Variants in SORT1 observed in about 807,000 individuals in gnomAD.
The protein encoded by SORT1 is sortilin 1.
SORT1 carries 39 observed loss-of-function variants against 101.7 expected under a neutral mutation model. That is an observed-to-expected ratio of 0.38 (90% CI 0.30 to 0.50). The LOEUF (loss-of-function observed/expected upper bound fraction) is 0.50. SORT1 is among the 20% of genes least tolerant of loss of function. The pLI is 0.90. For missense variants in SORT1, 878 were observed against 1,040.4 expected (o/e 0.84, Z 2.15); for synonymous variants, 396 against 393.7 (o/e 1.01, Z -0.07).
chr1:109,366,107 C>G (rs1252412017), intron 3 of SORT1, among the ~76,000 whole-genome samples: 1 of 152,204 alleles, frequency 6.6e-6, no homozygotes, highest in East Asian at 1.9e-4. Context: ...TGAGAAGACA[C>G]AATCATTCAG....
At chr1:109,340,106 G>A (rs539466172) in intron 10 of SORT1, among the ~76,000 whole-genome samples, 14 of 135,872 alleles carry the variant, frequency 1.0e-4, no homozygotes, top group East Asian at 2.1e-4. Flanking sequence ...CTGAGATCAC[G>A]CCACCGCACT....
chr1:109,394,659 T>G (rs367791042), intron 1 of SORT1, among the ~76,000 whole-genome samples: 12 of 152,350 alleles, frequency 7.9e-5, no homozygotes, highest in African/African-American at 2.4e-4. Flanking sequence ...TTCTGAGGCT[T>G]TTCATTCTCC....
chr1:109,341,751 CT>C (rs1452742632), intron 9 of SORT1, among the ~76,000 whole-genome samples: 2 of 152,180 alleles, frequency 1.3e-5, no homozygotes, highest in Admixed American at 6.5e-5. Context: ...CTGTACTTAT[CT>C]GGTAACAGAT....
chr1:109,397,471 G>C (rs563741687), intron 1 of SORT1, 116 bp downstream of exon 1: 1 of 699,910 alleles, frequency 1.4e-6, no homozygotes, highest in African/African-American at 1.9e-5. Flanking sequence ...CGGCCCGGGG[G>C]ACGCGGGCGC....
At chr1:109,323,299 G>A (rs1461011748) in intron 14 of SORT1, among the ~76,000 whole-genome samples, 178 bp from the exon 15 acceptor site, 2 of 152,188 alleles carry the variant, frequency 1.3e-5, no homozygotes, top group Non-Finnish European at 2.9e-5. Context: ...ACTAGCAATC[G>A]CATTTCCTCA....
At chr1:109,332,632 C>T (rs945641508) in intron 11 of SORT1, among the ~76,000 whole-genome samples, 1 of 152,062 alleles carries the variant, frequency 6.6e-6, no homozygotes, top group Non-Finnish European at 1.5e-5. Flanking sequence ...TTATATGGAA[C>T]CACAAAAGAC....
At position 109,353,845 on chromosome 1, in the gene SORT1, G is replaced by A. The variant is rs187444987; in HGVS notation, c.708+522C>T. On this transcript the variant is annotated intron_variant, in intron 5 of 19. Coordinates refer to ENST00000256637, the MANE Select transcript of SORT1 (RefSeq NM_002959.7). Reference sequence around the variant, plus strand: ...CCTCAGAGAACTTTGAGAAGTGGGAGGGTTAGGGAAACACACTGGTCTCTG... The same window carrying A: ...CCTCAGAGAACTTTGAGAAGTGGGAAGGTTAGGGAAACACACTGGTCTCTG... Among the ~76,000 whole-genome samples the A allele has an allele frequency of 9.9e-4, 151 of 152,314 alleles. 1 individual carries two copies. Among genetic ancestry groups the A allele is most frequent in the Middle Eastern group, 3.4e-3 (1 of 294 alleles).
Position 109,311,148 on chromosome 1 carries a change from G to A in SORT1, c.*2895C>T, listed in dbSNP as rs1658707495. The A allele has an allele frequency of 6.6e-6, 1 of 152,240 alleles. No individual in the cohort carries two copies. The highest frequency in any genetic ancestry group is 2.4e-5 in the African/African-American group (1 of 41,464). The allele number at this position is 152,240 out of a possible 1,614,324, so 9.4% of individuals were successfully genotyped here. ...CCTACAGGAGAGACGGGCCTGGTCTGTGGTCTCACTAAAGCCCAATGCCCA... is the reference window on the plus strand; with the variant it reads ...CCTACAGGAGAGACGGGCCTGGTCTATGGTCTCACTAAAGCCCAATGCCCA... On this transcript the variant is annotated 3_prime_UTR_variant, in exon 20 of 20. Transcript: ENST00000256637.
chr1:109,358,488 A>G (rs1466773257), intron 3 of SORT1, among the ~76,000 whole-genome samples: 1 of 152,182 alleles, frequency 6.6e-6, no homozygotes, highest in East Asian at 1.9e-4. Context: ...TCCATATGAT[A>G]ATTAATAGCG....
intron 1 of SORT1, chr1:109,392,949 G>A (rs933958996): frequency 1.0e-6 from 1 of 985,416 alleles, no homozygotes; most frequent in Non-Finnish European, 1.2e-6. Flanking sequence ...GGGGGTGCTA[G>A]GGAAGGTAGG....
chr1:109,316,480 C>G (rs1647228403), intron 17 of SORT1, among the ~76,000 whole-genome samples: 1 of 152,198 alleles, frequency 6.6e-6, no homozygotes, highest in Admixed American at 6.5e-5. Context: ...GATCTGCCTG[C>G]CTTGGACTTC....
Position 109,397,904 on chromosome 1 carries a change from G to A in SORT1, c.-12C>T. On this transcript the variant is annotated 5_prime_UTR_variant, in exon 1 of 20. Coordinates refer to ENST00000256637, the MANE Select transcript of SORT1 (RefSeq NM_002959.7). The stretch of plus-strand genomic sequence containing the variant: ...CAGGGCCGCTCCATCGCCGCCGAAT[G>A]CCGCCGACGCCGACACCTGCCGCCC... 1.7e-6 allele frequency: 2 copies of A among 1,147,138 alleles called. No individual in the cohort carries two copies. Among genetic ancestry groups the A allele is most frequent in the Non-Finnish European group, 2.1e-6 (2 of 935,982 alleles). The allele number at this position is 1,147,138 out of a possible 1,614,324, so 71.1% of individuals were successfully genotyped here. A position where few individuals can be genotyped will look rare whatever the true frequency, so the allele number is the denominator to read the frequency against.
At chr1:109,337,696 C>T (rs544026701) in intron 10 of SORT1, among the ~76,000 whole-genome samples, 3 of 152,092 alleles carry the variant, frequency 2.0e-5, no homozygotes, top group Admixed American at 6.6e-5. Flanking sequence ...GGCACCATCT[C>T]GGCTCACTGC....
chr1:109,390,391 T>G (rs1232015076), intron 1 of SORT1, among the ~76,000 whole-genome samples: 1 of 152,164 alleles, frequency 6.6e-6, no homozygotes, highest in Non-Finnish European at 1.5e-5. Flanking sequence ...CAAAACACGT[T>G]GATAAAACTT....
At chr1:109,323,785 A>G (rs1199852559) in intron 14 of SORT1, among the ~76,000 whole-genome samples, 1 of 152,212 alleles carries the variant, frequency 6.6e-6, no homozygotes, top group Admixed American at 6.5e-5. Flanking sequence ...CCTGCTAAAG[A>G]GCAGGTGCTT....
chr1:109,329,252 A>ATATT (rs1016631418), intron 11 of SORT1, among the ~76,000 whole-genome samples: 2 of 152,108 alleles, frequency 1.3e-5, no homozygotes, highest in East Asian at 1.9e-4. Flanking sequence ...AGGGGTGGCT[A>ATATT]TATTTATTTA....
At chr1:109,333,320 T>C (rs1648586997) in intron 11 of SORT1, among the ~76,000 whole-genome samples, 1 of 151,864 alleles carries the variant, frequency 6.6e-6, no homozygotes, top group Non-Finnish European at 1.5e-5. Context: ...TAGAAGGAAA[T>C]ATAGGGAAAA....
chr1:109,314,671 C>T lies in SORT1; in HGVS notation c.2357+1G>A. 6.4e-7 allele frequency: 1 copy of T among 1,574,694 alleles called. No homozygotes were observed. The highest frequency in any genetic ancestry group is 1.3e-5 in the African/African-American group (1 of 74,278). On this transcript the variant is annotated splice_donor_variant, in intron 18 of 19. Transcript: ENST00000256637. LOFTEE classifies it high-confidence loss of function. ...CTTGGATTGACTTCTGTGTTCCTTA[C>T]CTTCCCCCACAGACATATTTCTTCA...
rs1658767448 is a variant in SORT1 at position 109,312,186 on chromosome 1, A to C, written c.*1857T>G. On this transcript the variant is annotated 3_prime_UTR_variant, in exon 20 of 20. Transcript: ENST00000256637. ...TCTGAGTACCAAATTCACTTTGGGC[A>C]GGAGGGAGGGTGGGGCAGAGGCTGA... 1 of 152,200 alleles carries C rather than the reference A, an allele frequency of 6.6e-6. No individual in the cohort carries two copies. Among genetic ancestry groups the C allele is most frequent in the Non-Finnish European group, 1.5e-5 (1 of 68,012 alleles). The allele number at this position is 152,200 out of a possible 1,614,324, so 9.4% of individuals were successfully genotyped here.
Sources: gnomAD v4.1 joint callset for allele counts (sites outside exome capture counted in the v4.1 genomes callset) on GRCh38, gnomAD v4.1.1 for gene constraint, MANE v1.5 for transcripts, NCBI Gene and HGNC (gene_info 2026-07-23, HGNC 2026-07-21) for gene names.